The following ZNF431 variants were observed in gnomAD, a reference collection of about 807,000 sequenced individuals.
ZNF431 encodes zinc finger protein 431.
In ZNF431, 34 loss-of-function variants were observed where a neutral mutation model predicts 57.0. The ratio of observed to expected loss-of-function variants is 0.60; its 90% CI spans 0.45 to 0.79. The LOEUF (loss-of-function observed/expected upper bound fraction) is 0.79, where lower values mean the gene tolerates loss of function less well. ZNF431 is among the 30% of genes least tolerant of loss of function. The pLI is 0.00. For missense variants in ZNF431, 607 were observed against 667.1 expected (o/e 0.91, Z 0.99); for synonymous variants, 207 against 220.3 (o/e 0.94, Z 0.54).
chr19:21,146,528 T>C (rs1304706338), intron 2 of ZNF431, among the ~76,000 whole-genome samples: 1 of 152,174 alleles, frequency 6.6e-6, no homozygotes, highest in Non-Finnish European at 1.5e-5. Context: ...TTCTTGATTA[T>C]ATGCTAAACA....
Position 21,186,444 on chromosome 19 carries a change from A to ATG in ZNF431, c.*2419_*2420dup, listed in dbSNP as rs1226290003. ...GTGTAAGAAAATTATGGAGTTAAGT[A>ATG]TGTGTGTGTGAGTATGAGTTTGTAC... On this transcript the variant is annotated 3_prime_UTR_variant, in exon 5 of 5. Coordinates refer to ENST00000311048, the MANE Select transcript of ZNF431 (RefSeq NM_133473.4). 6.6e-6 allele frequency: 1 copy of ATG among 152,200 alleles called. No homozygotes were observed. The highest frequency in any genetic ancestry group is 1.5e-5 in the Non-Finnish European group (1 of 68,030). The allele number at this position is 152,200 out of a possible 1,614,324, so 9.4% of individuals were successfully genotyped here.
rs62124929 is a variant in ZNF431, at chr19:21,193,295, G to A, written c.*9261G>A. Reference sequence around the variant, plus strand: ...TGTAATCCCAGCACTTTGGAAGGCCGAGGTGGGCGGGTCACCTGAGGTCGG... The same window carrying A: ...TGTAATCCCAGCACTTTGGAAGGCCAAGGTGGGCGGGTCACCTGAGGTCGG... On this transcript the variant is annotated 3_prime_UTR_variant, in exon 5 of 5. Transcript: ENST00000311048. 4,620 of 152,298 alleles carry A rather than the reference G, an allele frequency of 0.03. 96 individuals carry two copies. The highest frequency in any genetic ancestry group is 0.047 in the Non-Finnish European group (3,212 of 68,052). The allele number at this position is 152,298 out of a possible 1,614,324, so 9.4% of individuals were successfully genotyped here.
intron 2 of ZNF431, among the ~76,000 whole-genome samples, chr19:21,162,145 TGTGTGTGTGTGTGTGTGTGTG>T (rs1301482172): frequency 1.5e-4 from 19 of 125,360 alleles, no homozygotes; most frequent in Admixed American, 1.1e-3. Flanking sequence ...TCCAGCTAAT[TGTGTGTGTGTGTGTGTGTGTG>T]TGTGTGTGTG....
At position 21,167,451 on chromosome 19, in the gene ZNF431, G is replaced by A. The variant is rs556968103; in HGVS notation, c.224-120G>A. 1.1e-4 allele frequency: 74 copies of A among 673,006 alleles called. No individual in the cohort carries two copies. In the African/African-American group the frequency reaches 1.1e-3, roughly 10 times the overall value. 41.7% of individuals were successfully genotyped at this position (673,006 alleles called of 1,614,324 possible). A position where few individuals can be genotyped will look rare whatever the true frequency, so the allele number is the denominator to read the frequency against. ...TGAGATAACAGGTGTGAGCAACTGC[G>A]CCCAGCCTTTGGATTAATTTTCTAA... On this transcript the variant is annotated intron_variant, in intron 3 of 4. Transcript: ENST00000311048.
chr19:21,147,940 T>G (rs1323985316), intron 2 of ZNF431, among the ~76,000 whole-genome samples: 1 of 152,188 alleles, frequency 6.6e-6, no homozygotes, highest in Non-Finnish European at 1.5e-5. Flanking sequence ...AGCCAAATTT[T>G]TACTATTTTA....
In ZNF431 at chr19:21,184,503, C is replaced by G. The variant is rs1042034363; in HGVS notation, c.*469C>G. 6.5e-6 allele frequency: 1 copy of G among 154,750 alleles called. No individual in the cohort carries two copies. The highest frequency in any genetic ancestry group is 1.4e-5 in the Non-Finnish European group (1 of 69,070). The allele number at this position is 154,750 out of a possible 1,614,324, so 9.6% of individuals were successfully genotyped here. A position where few individuals can be genotyped will look rare whatever the true frequency, so the allele number is the denominator to read the frequency against. On this transcript the variant is annotated 3_prime_UTR_variant, in exon 5 of 5. Coordinates refer to ENST00000311048, the MANE Select transcript of ZNF431 (RefSeq NM_133473.4). ...TGACTACTTTTGACAACGCCTCAAACTTTTCTAACCATAAAAGTAATTATA... is the reference window on the plus strand; with the variant it reads ...TGACTACTTTTGACAACGCCTCAAAGTTTTCTAACCATAAAAGTAATTATA...
chr19:21,169,587 G>C (rs1970823789), intron 4 of ZNF431, among the ~76,000 whole-genome samples: 1 of 152,144 alleles, frequency 6.6e-6, no homozygotes, highest in Non-Finnish European at 1.5e-5. Flanking sequence ...TCCACCTTTA[G>C]ATGGCTTGTC....
At chr19:21,144,189 G>T (rs1970019396) in intron 2 of ZNF431, among the ~76,000 whole-genome samples, 1 of 151,772 alleles carries the variant, frequency 6.6e-6, no homozygotes, top group South Asian at 2.1e-4. Context: ...ATATTAGTAG[G>T]GCTTGAAAGG....
intron 2 of ZNF431, among the ~76,000 whole-genome samples, chr19:21,156,495 G>A (rs921880060): frequency 1.3e-5 from 2 of 152,100 alleles, no homozygotes; most frequent in Non-Finnish European, 2.9e-5. Context: ...AACCGAACAG[G>A]TATTTTTTTC....
intron 4 of ZNF431, among the ~76,000 whole-genome samples, chr19:21,179,232 A>C (rs547902674): frequency 2.6e-5 from 4 of 151,734 alleles, no homozygotes; most frequent in African/African-American, 9.7e-5. Context: ...ATCATTTTTT[A>C]TTGTTTATTG....
At chr19:21,145,291 C>T (rs555084783) in intron 2 of ZNF431, among the ~76,000 whole-genome samples, 9 of 152,140 alleles carry the variant, frequency 5.9e-5, no homozygotes, top group Admixed American at 3.3e-4. Flanking sequence ...CTGGCTAACA[C>T]GGTGAAAGCC....
At chr19:21,178,700 A>G (rs909366769) in intron 4 of ZNF431, among the ~76,000 whole-genome samples, 1 of 152,056 alleles carries the variant, frequency 6.6e-6, no homozygotes, top group Non-Finnish European at 1.5e-5. Context: ...CATCCTGGGA[A>G]TAAAGCTTTT....
intron 4 of ZNF431, among the ~76,000 whole-genome samples, chr19:21,174,423 A>G (rs1295154379): frequency 6.6e-6 from 1 of 152,152 alleles, no homozygotes; most frequent in African/African-American, 2.4e-5. Flanking sequence ...TGTCATATGT[A>G]TGTATACATA....
chr19:21,151,092 C>T (rs1970260035), intron 2 of ZNF431: 1 of 151,878 alleles, frequency 6.6e-6, no homozygotes, highest in African/African-American at 2.4e-5. Flanking sequence ...CGCTCTGTCG[C>T]CCAGGCTGGA....
chr19:21,189,894 C>A lies in ZNF431; in HGVS notation c.*5860C>A. The stretch of plus-strand genomic sequence containing the variant: ...GGAGTGGTGGCTCACACCTGTAATC[C>A]CAGCTCTGGGAGGCCAAGGCCAGTG... On this transcript the variant is annotated 3_prime_UTR_variant, in exon 5 of 5. Coordinates refer to ENST00000311048, the MANE Select transcript of ZNF431 (RefSeq NM_133473.4). 2.5e-6 allele frequency: 1 copy of A among 397,832 alleles called. No individual in the cohort carries two copies. Among genetic ancestry groups the A allele is most frequent in the South Asian group, 1.3e-4 (1 of 7,426 alleles). 24.6% of individuals were successfully genotyped at this position (397,832 alleles called of 1,614,324 possible). A position where few individuals can be genotyped will look rare whatever the true frequency, so the allele number is the denominator to read the frequency against.
intron 2 of ZNF431, among the ~76,000 whole-genome samples, chr19:21,165,518 TG>T (rs1490311731): frequency 6.6e-6 from 1 of 152,262 alleles, no homozygotes; most frequent in Non-Finnish European, 1.5e-5. Context: ...TGTGTTCTTC[TG>T]TGTGCATCAG....
In ZNF431 at chr19:21,142,107, C is replaced by T; in HGVS notation, c.-77C>T. ...TCTGTGTCCTCTGCTCCTAGAGGCC[C>T]AACATCTGTGGCCCTGTGACCTGCA... On this transcript the variant is annotated 5_prime_UTR_variant, in exon 1 of 5. Transcript: ENST00000311048. 6.3e-7 allele frequency: 1 copy of T among 1,594,876 alleles called. No homozygotes were observed. Among genetic ancestry groups the T allele is most frequent in the South Asian group, 1.1e-5 (1 of 90,304 alleles).
At position 21,158,441 on chromosome 19, in the gene ZNF431, G is replaced by A. The variant is rs760452396; in HGVS notation, c.97-7894G>A. 7.5e-4 allele frequency among the ~76,000 whole-genome samples: 114 copies of A among 152,072 alleles called. No homozygotes were observed. In the Middle Eastern group the frequency reaches 0.01, roughly 14 times the overall value. ...TCTCGAACTCCTGACCTCATGATCC[G>A]CCCACCTCGGCCTCCCAAAGTGCTG... On this transcript the variant is annotated intron_variant, in intron 2 of 4. Coordinates refer to ENST00000311048, the MANE Select transcript of ZNF431 (RefSeq NM_133473.4).
Position 21,142,054 on chromosome 19 carries a change from C to G in ZNF431, c.-130C>G, listed in dbSNP as rs1285701200. On this transcript the variant is annotated 5_prime_UTR_variant, in exon 1 of 5. Coordinates refer to ENST00000311048, the MANE Select transcript of ZNF431 (RefSeq NM_133473.4). ...GCGGGGCCTTTGTCTCTCGCCGCAG[C>G]CTGAGCTCCAGGTCTCCCCTTCGCT... is the stretch of plus-strand genomic sequence containing the variant. 8.0e-7 allele frequency: 1 copy of G among 1,246,352 alleles called. No homozygotes were observed. Among genetic ancestry groups the G allele is most frequent in the Non-Finnish European group, 1.2e-6 (1 of 868,242 alleles). The allele number at this position is 1,246,352 out of a possible 1,614,324, so 77.2% of individuals were successfully genotyped here. A position where few individuals can be genotyped will look rare whatever the true frequency, so the allele number is the denominator to read the frequency against.
Sources: allele counts gnomAD v4.1 joint callset (sites outside exome capture counted in the v4.1 genomes callset), GRCh38; gene constraint gnomAD v4.1.1; transcripts MANE v1.5; gene names NCBI Gene and HGNC (gene_info 2026-07-23, HGNC 2026-07-21).